The following TSPAN5 variants were observed in gnomAD, a reference collection of about 807,000 sequenced individuals.
TSPAN5 encodes tetraspanin 5.
Under a neutral mutation model 37.1 loss-of-function variants are expected in TSPAN5, and 10 were observed. The observed-to-expected ratio is 0.27, with a 90% confidence interval of 0.17 to 0.46. TSPAN5 has a LOEUF of 0.46. Ranked by LOEUF, TSPAN5 falls within the 20% of genes least tolerant of loss-of-function variation. TSPAN5 has a pLI of 1.00. For synonymous variants in TSPAN5, 110 were observed against 118.9 expected, an observed-to-expected ratio of 0.93 and a Z score of 0.48; for missense variants, 195 against 326.6, an observed-to-expected ratio of 0.60 and a Z score of 3.11.
At chr4:98,548,695 C>G (rs1258486759) in intron 1 of TSPAN5, among the ~76,000 whole-genome samples, 1 of 152,068 alleles carries the variant, frequency 6.6e-6, no homozygotes, top group African/African-American at 2.4e-5. Context: ...TATTTTTAGT[C>G]TTCAATGTCC....
chr4:98,628,169 CAAGT>C (rs986744364), intron 1 of TSPAN5, among the ~76,000 whole-genome samples: 25 of 152,148 alleles, frequency 1.6e-4, no homozygotes, highest in African/African-American at 5.6e-4. Flanking sequence ...GTAAATACAG[CAAGT>C]GATTGTTCAC....
chr4:98,658,022 C>T (rs1757326560), intron 1 of TSPAN5, 124 bp downstream of exon 1: 7 of 842,242 alleles, frequency 8.3e-6, no homozygotes, highest in Non-Finnish European at 1.5e-5. Flanking sequence ...AAGGCGAATG[C>T]CTCTATGCTG....
chr4:98,476,318 A>C lies in TSPAN5; in HGVS notation c.625-13T>G. On this transcript the variant is annotated splice_polypyrimidine_tract_variant and intron_variant, in intron 6 of 7. Transcript: ENST00000305798. The stretch of plus-strand genomic sequence containing the variant: ...GCTGGTCAACTTCCTTCACAAGAGA[A>C]GAGGAGAGCACATTGTCACAGATAG... 2 of 1,613,726 alleles carry C rather than the reference A, an allele frequency of 1.2e-6. No individual in the cohort carries two copies. The highest frequency in any genetic ancestry group is 4.5e-5 in the East Asian group (2 of 44,882).
At chr4:98,606,335 A>C (rs1054320841) in intron 1 of TSPAN5, among the ~76,000 whole-genome samples, 1 of 152,242 alleles carries the variant, frequency 6.6e-6, no homozygotes, top group Non-Finnish European at 1.5e-5. Context: ...TTTTCAAAAG[A>C]AAACAGGACA....
In TSPAN5 at chr4:98,476,439, A is replaced by C; in HGVS notation, c.598T>G (p.Cys200Gly). ...GGTTTTTGCCTGGCATCATAGCCAC[A>C]CTGAGTGTTGATGACATCTTCCTGG... Reference protein sequence around the residue: ...DPAEDVINTQCGYDARQKPEV... With the variant: ...DPAEDVINTQGGYDARQKPEV... Residue 200 changes from cysteine (C) to glycine (G), a missense_variant, in exon 6 of 8, where the codon TGT becomes GGT. Physicochemically the swap from Cys to Gly is radical, Grantham distance 159 (BLOSUM62 -3). Transcript: ENST00000305798. 6.2e-7 allele frequency: 1 copy of C among 1,614,240 alleles called. No individual in the cohort carries two copies. The highest frequency in any genetic ancestry group is 8.5e-7 in the Non-Finnish European group (1 of 1,180,042).
intron 1 of TSPAN5, among the ~76,000 whole-genome samples, chr4:98,580,592 T>C (rs1189533152): frequency 2.0e-5 from 3 of 152,204 alleles, no homozygotes; most frequent in Non-Finnish European, 2.9e-5. Flanking sequence ...ACCAAGATGA[T>C]GGCCTTGAAG....
rs768746891 is a variant in TSPAN5, at chr4:98,478,705, A to T, written c.556T>A (p.Cys186Ser). Reference sequence around the variant, plus strand: ...CTTACTGCGGGATCTTTAGTGCAGCAGGAGAATGGAACGCCACATCGCTCT... The same window carrying T: ...CTTACTGCGGGATCTTTAGTGCAGCTGGAGAATGGAACGCCACATCGCTCT... ...SRERCGVPFS[C>S]CTKDPAEDVI... The change falls in exon 5 of 8, where the codon TGC (cysteine) becomes AGC (serine). Residue 186 changes from cysteine (C) to serine (S), a missense_variant. Coordinates refer to ENST00000305798, the MANE Select transcript of TSPAN5 (RefSeq NM_005723.4). 12 of 1,614,212 alleles carry T rather than the reference A, an allele frequency of 7.4e-6. No individual in the cohort carries two copies. Among genetic ancestry groups the T allele is most frequent in the Non-Finnish European group, 1.0e-5 (12 of 1,180,038 alleles).
At chr4:98,616,004 G>A (rs996931337) in intron 1 of TSPAN5, among the ~76,000 whole-genome samples, 4 of 152,106 alleles carry the variant, frequency 2.6e-5, no homozygotes, top group African/African-American at 9.7e-5. Context: ...AACTGCCAGT[G>A]CACACACCAC....
chr4:98,494,913 G>A (rs1006519714), intron 2 of TSPAN5, among the ~76,000 whole-genome samples: 7 of 152,206 alleles, frequency 4.6e-5, no homozygotes, highest in Non-Finnish European at 8.8e-5. Context: ...AGAAAAGGCA[G>A]AAGAGGGAGG....
intron 1 of TSPAN5, among the ~76,000 whole-genome samples, chr4:98,603,512 A>G (rs1755933099): frequency 6.6e-6 from 1 of 152,224 alleles, no homozygotes; most frequent in Admixed American, 6.5e-5. Context: ...GCATGGAAGA[A>G]AAACAAAATC....
In TSPAN5 at chr4:98,586,724, G is replaced by A. The variant is rs191150330; in HGVS notation, c.81+71422C>T. Among the ~76,000 whole-genome samples the A allele has an allele frequency of 8.8e-4, 134 of 152,362 alleles. 1 individual carries two copies. Among genetic ancestry groups the A allele is most frequent in the East Asian group, 5.4e-3 (28 of 5,188 alleles). On this transcript the variant is annotated intron_variant, in intron 1 of 7. Coordinates refer to ENST00000305798, the MANE Select transcript of TSPAN5 (RefSeq NM_005723.4). ...TGTTGAGGAATCTAAATGGAGAAAG[G>A]AGAGGGGGTCCTGAAGCACTGAATC...
chr4:98,650,336 A>G (rs1431263174), intron 1 of TSPAN5, among the ~76,000 whole-genome samples: 2 of 152,144 alleles, frequency 1.3e-5, no homozygotes, highest in African/African-American at 4.8e-5. Context: ...AGAGCAGGGT[A>G]TCTCAGGGAG....
At chr4:98,505,245 A>G (rs1413349310) in intron 2 of TSPAN5, among the ~76,000 whole-genome samples, 7 of 152,114 alleles carry the variant, frequency 4.6e-5, no homozygotes, top group Non-Finnish European at 8.8e-5. Context: ...AAAAAGTCAT[A>G]TTAGACTTTT....
intron 1 of TSPAN5, among the ~76,000 whole-genome samples, chr4:98,515,030 A>G (rs1201609895): frequency 6.6e-6 from 1 of 152,212 alleles, no homozygotes; most frequent in Non-Finnish European, 1.5e-5. Context: ...TTCACTAAGA[A>G]AGTGACATAT....
intron 1 of TSPAN5, among the ~76,000 whole-genome samples, chr4:98,532,188 C>T (rs1754109331): frequency 6.6e-6 from 1 of 151,914 alleles, no homozygotes; most frequent in Admixed American, 6.6e-5. Flanking sequence ...TTTTATGGTT[C>T]CATATGAAGT....
chr4:98,653,323 T>C (rs906372203), intron 1 of TSPAN5, among the ~76,000 whole-genome samples: 1 of 151,952 alleles, frequency 6.6e-6, no homozygotes, highest in Non-Finnish European at 1.5e-5. Context: ...GGAAGCAAAT[T>C]AGAGGCAAGA....
At chr4:98,545,076 A>C (rs1346939775) in intron 1 of TSPAN5, among the ~76,000 whole-genome samples, 1 of 152,166 alleles carries the variant, frequency 6.6e-6, no homozygotes, top group Non-Finnish European at 1.5e-5. Context: ...AGTGGCAAGG[A>C]GTCAGGAGGG....
At chr4:98,568,373 T>C (rs1424775231) in intron 1 of TSPAN5, among the ~76,000 whole-genome samples, 1 of 152,116 alleles carries the variant, frequency 6.6e-6, no homozygotes, top group Non-Finnish European at 1.5e-5. Flanking sequence ...AAACCCTATC[T>C]CTACTAAAAG....
intron 2 of TSPAN5, among the ~76,000 whole-genome samples, chr4:98,502,963 T>C (rs561418811): frequency 1.3e-4 from 19 of 151,558 alleles, no homozygotes. Flanking sequence ...CCAGGTGGCA[T>C]GGTGGGGCAA....
Sources: gnomAD v4.1 joint callset for allele counts (sites outside exome capture counted in the v4.1 genomes callset) on GRCh38, gnomAD v4.1.1 for gene constraint, MANE v1.5 for transcripts, NCBI Gene and HGNC (gene_info 2026-07-23, HGNC 2026-07-21) for gene names.